HYOU1: variants seen among roughly 807,000 people sequenced by gnomAD.
The protein encoded by HYOU1 is hypoxia up-regulated protein 1.
A neutral mutation model predicts 120.5 loss-of-function variants in HYOU1; 40 were observed. The ratio of observed to expected loss-of-function variants is 0.33; its 90% CI spans 0.26 to 0.43. The LOEUF is 0.43. Ranked by LOEUF, HYOU1 falls within the 20% of genes least tolerant of loss-of-function variation. The pLI is 1.00. For missense variants in HYOU1, 1,085 were observed against 1,278.3 expected (o/e 0.85, Z 2.31); for synonymous variants, 501 against 479.4 (o/e 1.05, Z -0.59).
chr11:119,056,016 C>T, intron 2 of HYOU1, 54 bp downstream of exon 2: 2 of 1,513,428 alleles, frequency 1.3e-6, no homozygotes, highest in East Asian at 2.2e-5. Flanking sequence ...CAATTCCCAT[C>T]ATGCATCCTT....
Position 119,045,853 on chromosome 11 carries a change from T to C in HYOU1, c.2888-22A>G. The stretch of plus-strand genomic sequence containing the variant: ...GATCCTGCTTTGGGAAGAAACAGGT[T>C]AGTCTCCTCAGAAGGGAGGAAGAGG... On this transcript the variant is annotated intron_variant, in intron 24 of 25. Transcript: ENST00000617285. The C allele has an allele frequency of 2.5e-6, 4 of 1,611,720 alleles. No homozygotes were observed. In the South Asian group the frequency reaches 4.4e-5, roughly 18 times the overall value.
chr11:119,046,590 G>C lies in HYOU1; in HGVS notation c.2808C>G (p.Asp936Glu), dbSNP rs2133551247. ...CTGGAGGGATGACCTTCTCCCCCTG[G>C]TCACTGGCACTGGCATTGAGGGGTG... ...AEPPLNASASDQGEKVIPPAG... is the reference protein window; with the variant it reads ...AEPPLNASASEQGEKVIPPAG... Residue 936 changes from aspartate (D) to glutamate (E), a missense_variant, in exon 23 of 26, where the codon GAC becomes GAG. Transcript: ENST00000617285. 1.9e-6 allele frequency: 3 copies of C among 1,613,926 alleles called. No individual in the cohort carries two copies. Among genetic ancestry groups the C allele is most frequent in the Non-Finnish European group, 2.5e-6 (3 of 1,179,856 alleles).
rs2133544490 is a variant in HYOU1, at chr11:119,045,766, C to T, written c.2938+15G>A. On this transcript the variant is annotated intron_variant, in intron 25 of 25. Transcript: ENST00000617285. ...CCCACCAGGCTTCCCACCGTAGCCC[C>T]GGCTCCATCCTCACCTGCTCCAGGA... 91 of 1,613,232 alleles carry T rather than the reference C, an allele frequency of 5.6e-5. 1 individual carries two copies. In the Middle Eastern group the frequency reaches 8.3e-4, roughly 15 times the overall value.
At position 119,051,849 on chromosome 11, in the gene HYOU1, G is replaced by A. The variant is rs1420581810; in HGVS notation, c.1308C>T (p.Val436=). The change falls in exon 12 of 26, where the codon GTC becomes GTT. Residue 436 remains valine (V), a synonymous_variant. Transcript: ENST00000617285. This position sits in a 1 kb window ranked among gnomAD's most constrained non-coding sequence, Gnocchi z 4.2. ...LSKAFKVKPF[V]VRDAVVYPIL... is the part of the protein sequence containing the mutation. ...TGGGGTAGACCACTGCATCTCGGACGACAAATGGCTTCACTTTAAAGGCTT... is the reference window on the plus strand; with the variant it reads ...TGGGGTAGACCACTGCATCTCGGACAACAAATGGCTTCACTTTAAAGGCTT... 5.6e-6 allele frequency: 9 copies of A among 1,614,044 alleles called. No homozygotes were observed. The highest frequency in any genetic ancestry group is 2.2e-5 in the South Asian group (2 of 91,070).
rs782139288 is a variant in HYOU1 at position 119,048,354 on chromosome 11, G to A, written c.2270C>T (p.Pro757Leu). 1 of 1,609,426 alleles carries A rather than the reference G, an allele frequency of 6.2e-7. No homozygotes were observed. Among genetic ancestry groups the A allele is most frequent in the Non-Finnish European group, 8.5e-7 (1 of 1,179,942 alleles). Residue 757 changes from proline to leucine, a missense_variant, in exon 20 of 26, where the codon CCC becomes CTC. Around this residue, in one of 4 missense-constraint regions of HYOU1, gnomAD observed 516 missense variants for 517.1 expected, o/e 1.00. Transcript: ENST00000617285. This position sits in a 1 kb window ranked among gnomAD's most constrained non-coding sequence, Gnocchi z 4.7. ...CTCTGTGGACACTTCCTGGTACTCG[G>A]GCTGGTACAGCTTGTCCTGGGGAGG... is the stretch of plus-strand genomic sequence containing the variant. ...IFETQDKLYQ[P>L]EYQEVSTEEQ...
At position 119,051,197 on chromosome 11, in the gene HYOU1, T is replaced by C; in HGVS notation, c.1527-24A>G. 6.2e-7 allele frequency: 1 copy of C among 1,614,002 alleles called. No individual in the cohort carries two copies. ...CCCTGGTTGGGAAGGAAAGAGGAGT[T>C]CAGGGGGACCCACCCCAGCCCATCT... On this transcript the variant is annotated intron_variant, in intron 13 of 25. Coordinates refer to ENST00000617285, the MANE Select transcript of HYOU1 (RefSeq NM_006389.5). The surrounding 1 kb of genome is among the most constrained non-coding windows in gnomAD (Gnocchi z 4.2).
At position 119,049,620 on chromosome 11, in the gene HYOU1, A is replaced by G; in HGVS notation, c.1742T>C (p.Ile581Thr). The change falls in exon 16 of 26, where the codon ATT becomes ACT. Residue 581 changes from isoleucine to threonine, a missense_variant. Ile to Thr is a moderately conservative substitution (Grantham distance 89, BLOSUM62 -1). This residue lies in a region of HYOU1 where 515 missense variants were observed against 677.8 expected (regional missense o/e 0.76). Transcript: ENST00000617285. ...GGTACCGCCTCCAAACAGGCTGGAAATGGTGTTGCCAAGTTCTAGGGGGAG... is the reference window on the plus strand; with the variant it reads ...GGTACCGCCTCCAAACAGGCTGGAAGTGGTGTTGCCAAGTTCTAGGGGGAG... ...ESTLTKLGNT[I>T]SSLFGGGTTP... The G allele has an allele frequency of 6.2e-7, 1 of 1,614,188 alleles. No homozygotes were observed. Among genetic ancestry groups the G allele is most frequent in the Non-Finnish European group, 8.5e-7 (1 of 1,180,030 alleles).
At chr11:119,056,671 C>A (rs146893167) in intron 1 of HYOU1, 122 of 301,548 alleles carry the variant, frequency 4.0e-4, no homozygotes, top group African/African-American at 2.5e-3. Flanking sequence ...CCTCGGCATC[C>A]CTGCGGGTTG....
chr11:119,054,441 C>T, intron 7 of HYOU1, 53 bp downstream of exon 7: 1 of 1,577,818 alleles, frequency 6.3e-7, no homozygotes, highest in Non-Finnish European at 8.7e-7. Flanking sequence ...CAAGTGGCCT[C>T]CATCCTTAGA....
Position 119,045,491 on chromosome 11 carries a change from C to T in HYOU1, c.*102G>A. 1.1e-5 allele frequency: 11 copies of T among 1,017,068 alleles called. No individual in the cohort carries two copies. The highest frequency in any genetic ancestry group is 2.5e-5 in the South Asian group (2 of 79,078). The allele number at this position is 1,017,068 out of a possible 1,614,324, so 63.0% of individuals were successfully genotyped here. ...AATCACAGGGGTGAGAAAGGAACTCCAGCCGAGGGCAGGACCAACCCCTCC... is the reference window on the plus strand; with the variant it reads ...AATCACAGGGGTGAGAAAGGAACTCTAGCCGAGGGCAGGACCAACCCCTCC... On this transcript the variant is annotated 3_prime_UTR_variant, in exon 26 of 26. Transcript: ENST00000617285.
At chr11:119,056,196 A>C (rs1463888530) in intron 1 of HYOU1, 29 bp from the exon 2 acceptor site, 1 of 1,476,426 alleles carries the variant, frequency 6.8e-7, no homozygotes, top group Admixed American at 1.7e-5. Context: ...GAAAACACTT[A>C]AAACTGGATA....
chr11:119,048,496 C>T lies in HYOU1; in HGVS notation c.2233G>A (p.Ala745Thr), dbSNP rs2133564913. ...EREKAANSLE[A>T]FIFETQDKLY... ...CTGACCTGGGTCTCAAATATGAATG[C>T]TTCCAAGCTGTTGGCAGCTTTTTCC... is the stretch of plus-strand genomic sequence containing the variant. The change falls in exon 19 of 26, where the codon GCA becomes ACA. Residue 745 changes from alanine to threonine, a missense_variant. This residue lies in a region of HYOU1 where 516 missense variants were observed against 517.1 expected (regional missense o/e 1.00). Coordinates refer to ENST00000617285, the MANE Select transcript of HYOU1 (RefSeq NM_006389.5). The surrounding 1 kb of genome is among the most constrained non-coding windows in gnomAD (Gnocchi z 4.7). 1.2e-6 allele frequency: 2 copies of T among 1,614,074 alleles called. No homozygotes were observed. Among genetic ancestry groups the T allele is most frequent in the Non-Finnish European group, 8.5e-7 (1 of 1,180,008 alleles).
Position 119,049,584 on chromosome 11 carries a change from G to T in HYOU1, c.1778C>A (p.Ala593Asp). Residue 593 changes from alanine (A) to aspartate (D), a missense_variant, in exon 16 of 26, where the codon GCC (alanine) becomes GAC (aspartate). Ala to Asp is a moderately radical substitution (Grantham distance 126). This residue lies in a region of HYOU1 where 516 missense variants were observed against 517.1 expected (regional missense o/e 1.00). Coordinates refer to ENST00000617285, the MANE Select transcript of HYOU1 (RefSeq NM_006389.5). ...SLFGGGTTPD[A>D]KENGTDTVQE... ...GACAGTATCAGTACCATTCTCCTTG[G>T]CATCTGGTGTGGTACCGCCTCCAAA... 1 of 1,614,096 alleles carries T rather than the reference G, an allele frequency of 6.2e-7. No homozygotes were observed. Among genetic ancestry groups the T allele is most frequent in the Non-Finnish European group, 8.5e-7 (1 of 1,180,030 alleles).
intron 1 of HYOU1, among the ~76,000 whole-genome samples, chr11:119,056,617 A>T (rs1271925489): frequency 6.6e-6 from 1 of 152,224 alleles, no homozygotes; most frequent in Non-Finnish European, 1.5e-5. Context: ...AGAGAAAGGT[A>T]ATGACGTTGG....
At position 119,044,628 on chromosome 11, in the gene HYOU1, C is replaced by T. The variant is rs759397301; in HGVS notation, c.*965G>A. 6.2e-6 allele frequency: 1 copy of T among 160,268 alleles called. No homozygotes were observed. The highest frequency in any genetic ancestry group is 1.4e-5 in the Non-Finnish European group (1 of 71,880). The allele number at this position is 160,268 out of a possible 1,614,324, so 9.9% of individuals were successfully genotyped here. ...ACATTCACACCATGGTCTCTCCTTTCCCCAGGATCTTGGGATAGGGACTCA... is the reference window on the plus strand; with the variant it reads ...ACATTCACACCATGGTCTCTCCTTTTCCCAGGATCTTGGGATAGGGACTCA... On this transcript the variant is annotated 3_prime_UTR_variant, in exon 26 of 26. Transcript: ENST00000617285.
intron 7 of HYOU1, 88 bp from the exon 8 acceptor site, chr11:119,054,324 C>G (rs1944626245): frequency 2.2e-5 from 28 of 1,247,164 alleles, no homozygotes; most frequent in Non-Finnish European, 3.0e-5. Context: ...AATGGGCTGT[C>G]TGACTCTTAA....
At position 119,051,452 on chromosome 11, in the gene HYOU1, C is replaced by A; in HGVS notation, c.1512G>T (p.Gly504=). 1 of 1,614,048 alleles carries A rather than the reference C, an allele frequency of 6.2e-7. No homozygotes were observed. Among genetic ancestry groups the A allele is most frequent in the Non-Finnish European group, 8.5e-7 (1 of 1,179,994 alleles). The stretch of plus-strand genomic sequence containing the variant: ...CTGCCCCTCACCGAAGATCTTCAGG[C>A]CCCAGGAAGCCCAGGTCGCCGTAGT... The part of the protein sequence containing the change: ...HINYGDLGFL[G]PEDLRVFGSQ... The change falls in exon 13 of 26, where the codon GGG becomes GGT. Residue 504 remains glycine (G), a synonymous_variant. Coordinates refer to ENST00000617285, the MANE Select transcript of HYOU1 (RefSeq NM_006389.5). The surrounding 1 kb of genome is among the most constrained non-coding windows in gnomAD (Gnocchi z 4.2).
At chr11:119,049,274 G>A (rs2133571429) in intron 16 of HYOU1, 71 bp from the exon 17 acceptor site, 61 of 1,591,148 alleles carry the variant, frequency 3.8e-5, no homozygotes, top group Admixed American at 7.0e-5. Flanking sequence ...GCTCGGCACC[G>A]CCGACCCCAT....
At chr11:119,056,584 A>C (rs1944782506) in intron 1 of HYOU1, among the ~76,000 whole-genome samples, 1 of 152,234 alleles carries the variant, frequency 6.6e-6, no homozygotes, top group Non-Finnish European at 1.5e-5. Flanking sequence ...CTGACGGGGA[A>C]AGCCAGCTGG....
Sources: allele counts gnomAD v4.1 joint callset (sites outside exome capture counted in the v4.1 genomes callset), GRCh38; gene constraint gnomAD v4.1.1; regional missense constraint gnomAD v4.1.1; non-coding constraint Gnocchi (gnomAD v3.1); transcripts MANE v1.5; gene names NCBI Gene and HGNC (gene_info 2026-07-23, HGNC 2026-07-21).